GPR85: variants seen among roughly 807,000 people sequenced by gnomAD.
GPR85 encodes the protein probable G protein-coupled receptor 85.
GPR85 carries 7 observed loss-of-function variants against 21.3 expected under a neutral mutation model. The ratio of observed to expected loss-of-function variants is 0.33; its 90% CI spans 0.19 to 0.62. The LOEUF is 0.62. GPR85 is among the 20% of genes least tolerant of loss of function. The pLI is 0.80. For missense variants in GPR85, 299 were observed against 443.8 expected, an observed-to-expected ratio of 0.67 and a Z score of 2.93; for synonymous variants, 167 against 166.1, an observed-to-expected ratio of 1.01 and a Z score of -0.04.
chr7:113,084,542 C>T lies in GPR85; in HGVS notation c.180G>A (p.Leu60=), dbSNP rs1342297116. Reference sequence around the variant, plus strand: ...TGAGGATATCTGAACAGCAAAGATCCAACAGGAAGTAGTAAGGTGCTCTAT... The same window carrying T: ...TGAGGATATCTGAACAGCAAAGATCTAACAGGAAGTAGTAAGGTGCTCTAT... ...TLHRAPYYFL[L]DLCCSDILRS... Residue 60 remains leucine (L), a synonymous_variant, in exon 3 of 3, where the codon TTG becomes TTA. Coordinates refer to ENST00000424100, the MANE Select transcript of GPR85 (RefSeq NM_001146267.2). 2 of 1,612,654 alleles carry T rather than the reference C, an allele frequency of 1.2e-6. No individual in the cohort carries two copies. The highest frequency in any genetic ancestry group is 1.7e-6 in the Non-Finnish European group (2 of 1,178,672).
In GPR85 at chr7:113,084,061, C is replaced by A. The variant is rs1362702737; in HGVS notation, c.661G>T (p.Val221Leu). Reference protein sequence around the residue: ...DRRKMKPVQFVAAVSQNWTFH... With the variant: ...DRRKMKPVQFLAAVSQNWTFH... The stretch of plus-strand genomic sequence containing the variant: ...GTCCAGTTCTGGCTGACTGCTGCTA[C>A]AAACTGGACTGGCTTCATTTTTCTT... The change falls in exon 3 of 3, where the codon GTA (valine) becomes TTA (leucine). Residue 221 changes from valine (V) to leucine (L), a missense_variant. Physicochemically the swap from Val to Leu is conservative, Grantham distance 32. This residue lies in a region of GPR85 where 198 missense variants were observed against 335.4 expected (regional missense o/e 0.59). Coordinates refer to ENST00000424100, the MANE Select transcript of GPR85 (RefSeq NM_001146267.2). 4 of 1,614,172 alleles carry A rather than the reference C, an allele frequency of 2.5e-6. No homozygotes were observed. The East Asian group carries it at 8.9e-5, about 36-fold the overall frequency.
In GPR85 at chr7:113,082,346, C is replaced by T. The variant is rs974481092; in HGVS notation, c.*1263G>A. 6.6e-6 allele frequency: 1 copy of T among 152,522 alleles called. No homozygotes were observed. The highest frequency in any genetic ancestry group is 1.5e-5 in the Non-Finnish European group (1 of 68,032). 9.4% of individuals were successfully genotyped at this position (152,522 alleles called of 1,614,324 possible). On this transcript the variant is annotated 3_prime_UTR_variant, in exon 3 of 3. Coordinates refer to ENST00000424100, the MANE Select transcript of GPR85 (RefSeq NM_001146267.2). ...TCTGTATCTTAAAGAATGAGACTCA[C>T]AGACTCTAATGTATTTCTAAAATAC...
rs1794296050 is a variant in GPR85, at chr7:113,086,417, G to GTTTTTTTTTTTTT, written c.-385_-384insAAAAAAAAAAAAA. On this transcript the variant is annotated 5_prime_UTR_variant, in exon 1 of 3. It removes the in-frame stop codon of an upstream open reading frame in the 5' UTR. Coordinates refer to ENST00000424100, the MANE Select transcript of GPR85 (RefSeq NM_001146267.2). The stretch of plus-strand genomic sequence containing the variant: ...TTTTCTTTTTTTTTTTTTTTTTTTT[G>GTTTTTTTTTTTTT]TTTTTTGTTTTTTTTTTTTTTTTTT... 1 of 66,632 alleles carries GTTTTTTTTTTTTT rather than the reference G, an allele frequency of 1.5e-5. No individual in the cohort carries two copies. The highest frequency in any genetic ancestry group is 2.6e-5 in the Non-Finnish European group (1 of 38,230). 4.1% of individuals were successfully genotyped at this position (66,632 alleles called of 1,614,324 possible).
upstream of GPR85, among the ~76,000 whole-genome samples, chr7:113,087,248 G>C (rs542138189): frequency 9.9e-5 from 15 of 152,214 alleles, 1 homozygote; most frequent in East Asian, 2.7e-3. Flanking sequence ...AAAGAATCAG[G>C]CTTATAAAAT....
rs1374059507 is a variant in GPR85, at chr7:113,086,673, G to A, written c.-640C>T. 6.6e-6 allele frequency among the ~76,000 whole-genome samples: 1 copy of A among 151,716 alleles called. No individual in the cohort carries two copies. Among genetic ancestry groups the A allele is most frequent in the African/African-American group, 2.4e-5 (1 of 41,358 alleles). The stretch of plus-strand genomic sequence containing the variant: ...GACTCCAGAGCTGGCTGGGTTTATT[G>A]ACTGCCCTGTCCAATCCAACTGGCA... On this transcript the variant is annotated 5_prime_UTR_variant, in exon 1 of 3. An upstream open reading frame in the 5' UTR gains an earlier in-frame stop. Coordinates refer to ENST00000424100, the MANE Select transcript of GPR85 (RefSeq NM_001146267.2).
Position 113,083,571 on chromosome 7 carries a change from G to T in GPR85, c.*38C>A, listed in dbSNP as rs746257901. On this transcript the variant is annotated 3_prime_UTR_variant, in exon 3 of 3. Coordinates refer to ENST00000424100, the MANE Select transcript of GPR85 (RefSeq NM_001146267.2). The surrounding 1 kb of genome is among the most constrained non-coding windows in gnomAD (Gnocchi z 4.4). ...GGGCCACAATTGCTCAGCAGAGAAGGTTAGTTTTCACAAGGCTAAAGATTT... is the reference window on the plus strand; with the variant it reads ...GGGCCACAATTGCTCAGCAGAGAAGTTTAGTTTTCACAAGGCTAAAGATTT... 51 of 1,555,404 alleles carry T rather than the reference G, an allele frequency of 3.3e-5. No homozygotes were observed. In the South Asian group the frequency reaches 5.4e-4, roughly 16 times the overall value.
At position 113,083,893 on chromosome 7, in the gene GPR85, A is replaced by G; in HGVS notation, c.829T>C (p.Phe277Leu). ...GRRRLLVLDE[F>L]KMEKRISRMF... ...CTGCTGATTCTTTTCTCCATTTTGA[A>G]CTCGTCTAAGACCAATAGCCTTCTT... is the stretch of plus-strand genomic sequence containing the variant. Residue 277 changes from phenylalanine to leucine, a missense_variant, in exon 3 of 3, where the codon TTC becomes CTC. Phe to Leu is a conservative substitution (Grantham distance 22). Coordinates refer to ENST00000424100, the MANE Select transcript of GPR85 (RefSeq NM_001146267.2). This position sits in a 1 kb window ranked among gnomAD's most constrained non-coding sequence, Gnocchi z 4.4. 6.2e-7 allele frequency: 1 copy of G among 1,614,052 alleles called. No individual in the cohort carries two copies. Among genetic ancestry groups the G allele is most frequent in the Non-Finnish European group, 8.5e-7 (1 of 1,180,010 alleles).
In GPR85 at chr7:113,086,716, C is replaced by T. The variant is rs1054094980; in HGVS notation, c.-683G>A. Among the ~76,000 whole-genome samples, 1 of 151,976 alleles carries T rather than the reference C, an allele frequency of 6.6e-6. No homozygotes were observed. Among genetic ancestry groups the T allele is most frequent in the Non-Finnish European group, 1.5e-5 (1 of 67,990 alleles). Reference sequence around the variant, plus strand: ...AACTGGCAGCATTAAGCTTTTGTCCCTTCGTGGCTGCTTCTGAACTTTTCC... The same window carrying T: ...AACTGGCAGCATTAAGCTTTTGTCCTTTCGTGGCTGCTTCTGAACTTTTCC... On this transcript the variant is annotated 5_prime_UTR_variant, in exon 1 of 3. Transcript: ENST00000424100.
chr7:113,082,378 T>C lies in GPR85; in HGVS notation c.*1231A>G, dbSNP rs1794161061. ...TAATGTATTTCTAAAATACCAGAAA[T>C]CATAATATAAGCTTTCACAAGTTAA... On this transcript the variant is annotated 3_prime_UTR_variant, in exon 3 of 3. Transcript: ENST00000424100. 6.6e-6 allele frequency: 1 copy of C among 152,518 alleles called. No homozygotes were observed. The highest frequency in any genetic ancestry group is 1.5e-5 in the Non-Finnish European group (1 of 68,028). 9.4% of individuals were successfully genotyped at this position (152,518 alleles called of 1,614,324 possible).
upstream of GPR85, among the ~76,000 whole-genome samples, chr7:113,087,032 GTTAT>G (rs752747738): frequency 2.6e-5 from 4 of 152,086 alleles, no homozygotes; most frequent in African/African-American, 7.2e-5. Flanking sequence ...AAGAAAAAAA[GTTAT>G]TTATTTATTT....
Position 113,086,430 on chromosome 7 carries a change from T to TTTTTTTTTTTTTTTTTG in GPR85, c.-398_-397insCAAAAAAAAAAAAAAAA, listed in dbSNP as rs1794301281. The TTTTTTTTTTTTTTTTTG allele has an allele frequency of 2.8e-5, 3 of 106,550 alleles. No homozygotes were observed. The highest frequency in any genetic ancestry group is 7.7e-5 in the African/African-American group (2 of 26,092). The allele number at this position is 106,550 out of a possible 1,614,324, so 6.6% of individuals were successfully genotyped here. On this transcript the variant is annotated 5_prime_UTR_variant, in exon 1 of 3. The change abolishes the stop of an existing upstream ORF in the 5' untranslated region. Transcript: ENST00000424100. ...TTTTTTTTTTTTGTTTTTTGTTTTTTTTTTTTTTTTTTTTGCCTTAGTGCC... is the reference window on the plus strand; with the variant it reads ...TTTTTTTTTTTTGTTTTTTGTTTTTTTTTTTTTTTTTTTTTTGTTTTTTTTTTTTTTGCCTTAGTGCC...
rs960831219 is a variant in GPR85, at chr7:113,082,652, T to C, written c.*957A>G. 2.0e-5 allele frequency: 3 copies of C among 152,466 alleles called. No homozygotes were observed. The highest frequency in any genetic ancestry group is 4.8e-5 in the African/African-American group (2 of 41,410). 9.4% of individuals were successfully genotyped at this position (152,466 alleles called of 1,614,324 possible). A position where few individuals can be genotyped will look rare whatever the true frequency, so the allele number is the denominator to read the frequency against. On this transcript the variant is annotated 3_prime_UTR_variant, in exon 3 of 3. Coordinates refer to ENST00000424100, the MANE Select transcript of GPR85 (RefSeq NM_001146267.2). The stretch of plus-strand genomic sequence containing the variant: ...GATGTGCACTTTAAGTTTCAAACCA[T>C]GTGAGAAAAAAGGAAAAAGTAATAA...
upstream of GPR85, among the ~76,000 whole-genome samples, chr7:113,087,159 C>G (rs1395197664): frequency 6.6e-6 from 1 of 152,092 alleles, no homozygotes; most frequent in African/African-American, 2.4e-5. Flanking sequence ...CGCAAATATG[C>G]GTAAAAGTAG....
chr7:113,087,040 T>C (rs1425649114), upstream of GPR85, among the ~76,000 whole-genome samples: 1 of 152,194 alleles, frequency 6.6e-6, no homozygotes, highest in East Asian at 1.9e-4. Context: ...AAGTTATTTA[T>C]TTATTTATTT....
Position 113,083,680 on chromosome 7 carries a change from G to C in GPR85, c.1042C>G (p.Arg348Gly). The C allele has an allele frequency of 6.2e-7, 1 of 1,614,128 alleles. No individual in the cohort carries two copies. Among genetic ancestry groups the C allele is most frequent in the Non-Finnish European group, 8.5e-7 (1 of 1,179,984 alleles). The part of the protein sequence containing the change: ...VCIFSNRELR[R>G]CFSTTLLYCR... Reference sequence around the variant, plus strand: ...TAAAGAAGGGTTGTGCTGAAACAGCGCCTCAGCTCCCTGTTTGAGAAAATG... The same window carrying C: ...TAAAGAAGGGTTGTGCTGAAACAGCCCCTCAGCTCCCTGTTTGAGAAAATG... The change falls in exon 3 of 3, where the codon CGC (arginine) becomes GGC (glycine). Residue 348 changes from arginine (R) to glycine (G), a missense_variant. Arg to Gly is a moderately radical substitution (Grantham distance 125, BLOSUM62 -2). Around this residue, in one of 2 missense-constraint regions of GPR85, gnomAD observed 198 missense variants for 335.4 expected, o/e 0.59. Transcript: ENST00000424100. This position sits in a 1 kb window ranked among gnomAD's most constrained non-coding sequence, Gnocchi z 4.4.
chr7:113,086,587 G>C lies in GPR85; in HGVS notation c.-554C>G, dbSNP rs1794312859. On this transcript the variant is annotated 5_prime_UTR_variant, in exon 1 of 3. Transcript: ENST00000424100. ...CAGGGGCCGCGGCGGCGGCGGCTGCGGTGGCGAGGGCGGCGGCGGGGCTGC... is the reference window on the plus strand; with the variant it reads ...CAGGGGCCGCGGCGGCGGCGGCTGCCGTGGCGAGGGCGGCGGCGGGGCTGC... 6.4e-6 allele frequency: 1 copy of C among 156,828 alleles called. No homozygotes were observed. Among genetic ancestry groups the C allele is most frequent in the Admixed American group, 6.6e-5 (1 of 15,262 alleles). The allele number at this position is 156,828 out of a possible 1,614,324, so 9.7% of individuals were successfully genotyped here.
upstream of GPR85, among the ~76,000 whole-genome samples, chr7:113,086,870 C>A (rs1794319709): frequency 6.6e-6 from 1 of 150,430 alleles, no homozygotes; most frequent in Admixed American, 6.6e-5. Flanking sequence ...CTTCCCGGAA[C>A]CCTAACCTTC....
In GPR85 at chr7:113,082,930, C is replaced by G. The variant is rs533550812; in HGVS notation, c.*679G>C. ...AACTTTATACCAAATCAACAAAAACCACATAATACAGTTCAATGCTAGCAA... is the reference window on the plus strand; with the variant it reads ...AACTTTATACCAAATCAACAAAAACGACATAATACAGTTCAATGCTAGCAA... On this transcript the variant is annotated 3_prime_UTR_variant, in exon 3 of 3. Transcript: ENST00000424100. The G allele has an allele frequency of 5.2e-5, 8 of 152,532 alleles. No homozygotes were observed. In the East Asian group the frequency reaches 1.4e-3, roughly 26 times the overall value. The allele number at this position is 152,532 out of a possible 1,614,324, so 9.4% of individuals were successfully genotyped here.
rs1794161449 is a variant in GPR85 at position 113,082,401 on chromosome 7, T to G, written c.*1208A>C. The G allele has an allele frequency of 6.6e-6, 1 of 152,584 alleles. No homozygotes were observed. The highest frequency in any genetic ancestry group is 1.5e-5 in the Non-Finnish European group (1 of 68,016). The allele number at this position is 152,584 out of a possible 1,614,324, so 9.5% of individuals were successfully genotyped here. Reference sequence around the variant, plus strand: ...AATCATAATATAAGCTTTCACAAGTTAAAACTGAAATAATTTAAATTACCA... The same window carrying G: ...AATCATAATATAAGCTTTCACAAGTGAAAACTGAAATAATTTAAATTACCA... On this transcript the variant is annotated 3_prime_UTR_variant, in exon 3 of 3. Coordinates refer to ENST00000424100, the MANE Select transcript of GPR85 (RefSeq NM_001146267.2).
Sources: gnomAD v4.1 joint callset for allele counts (sites outside exome capture counted in the v4.1 genomes callset) on GRCh38, gnomAD v4.1.1 for gene constraint, gnomAD v4.1.1 regional missense constraint, Gnocchi (gnomAD v3.1) non-coding constraint, MANE v1.5 for transcripts, NCBI Gene and HGNC (gene_info 2026-07-23, HGNC 2026-07-21) for gene names.